CORO2A: variants seen among roughly 807,000 people sequenced by gnomAD.
CORO2A encodes the protein coronin-2A.
In CORO2A, 47 loss-of-function variants were observed where a neutral mutation model predicts 62.4. The ratio of observed to expected loss-of-function variants is 0.75; its 90% CI spans 0.60 to 0.96. The LOEUF (loss-of-function observed/expected upper bound fraction) is 0.96. Ranked by LOEUF, CORO2A falls within the 40% of genes least tolerant of loss-of-function variation. CORO2A has a pLI of 0.00. For synonymous variants in CORO2A, 273 were observed against 268.9 expected (o/e 1.02, Z -0.15); for missense variants, 610 against 684.1 (o/e 0.89, Z 1.21).
rs1827501826 is a variant in CORO2A, at chr9:98,137,440, A to G, written c.318+132T>C. On this transcript the variant is annotated intron_variant, in intron 3 of 11. Transcript: ENST00000375077. ...GTCTCCTCCTCTACCTTAACTTAAC[A>G]CCTCCCCACACAGTGACCTCACCTC... 5 of 737,234 alleles carry G rather than the reference A, an allele frequency of 6.8e-6. No homozygotes were observed. The Admixed American group carries it at 8.0e-5, about 12-fold the overall frequency. 45.7% of individuals were successfully genotyped at this position (737,234 alleles called of 1,614,324 possible).
At chr9:98,162,492 T>G (rs1382314774) in intron 1 of CORO2A, among the ~76,000 whole-genome samples, 1 of 152,214 alleles carries the variant, frequency 6.6e-6, no homozygotes, top group Non-Finnish European at 1.5e-5. Flanking sequence ...TTTGCACTGC[T>G]AAGATTCTTC....
intron 1 of CORO2A, among the ~76,000 whole-genome samples, chr9:98,158,975 A>G (rs1392518895): frequency 6.6e-6 from 1 of 152,084 alleles, no homozygotes; most frequent in Non-Finnish European, 1.5e-5. Context: ...ACCCATACCC[A>G]TAATACCAGG....
chr9:98,163,697 T>G (rs1827918503), intron 1 of CORO2A, among the ~76,000 whole-genome samples: 1 of 151,332 alleles, frequency 6.6e-6, no homozygotes, highest in African/African-American at 2.4e-5. Flanking sequence ...GCTCCTTTCT[T>G]GACATACATG....
intron 1 of CORO2A, among the ~76,000 whole-genome samples, chr9:98,179,204 C>T (rs1261299800): frequency 6.6e-6 from 1 of 152,184 alleles, no homozygotes; most frequent in African/African-American, 2.4e-5. Context: ...GAAACCCTTC[C>T]CTAGGCTCTG....
intron 1 of CORO2A, among the ~76,000 whole-genome samples, chr9:98,191,160 C>T (rs1243027660): frequency 6.6e-6 from 1 of 152,230 alleles, no homozygotes. Flanking sequence ...CTCCCTCAAA[C>T]AGGGCAGGCA....
intron 2 of CORO2A, among the ~76,000 whole-genome samples, chr9:98,147,339 G>A (rs551082633): frequency 1.3e-5 from 2 of 152,120 alleles, no homozygotes; most frequent in South Asian, 4.1e-4. Flanking sequence ...GGTAGGGGGC[G>A]GGGGGCAGAG....
At chr9:98,185,258 A>G (rs1478745359) in intron 1 of CORO2A, among the ~76,000 whole-genome samples, 2 of 152,170 alleles carry the variant, frequency 1.3e-5, no homozygotes, top group African/African-American at 4.8e-5. Flanking sequence ...CTGCCAGGCC[A>G]TGGGCCCTCA....
chr9:98,167,675 A>C (rs1827980241), intron 1 of CORO2A, among the ~76,000 whole-genome samples: 1 of 152,198 alleles, frequency 6.6e-6, no homozygotes, highest in South Asian at 2.1e-4. Context: ...CAATCAGGGA[A>C]AGCTGAGTGG....
intron 2 of CORO2A, among the ~76,000 whole-genome samples, chr9:98,146,949 T>C (rs1294977560): frequency 1.3e-5 from 2 of 152,134 alleles, no homozygotes; most frequent in Non-Finnish European, 2.9e-5. Flanking sequence ...GCCTGCACAG[T>C]AGTAATGGAT....
At chr9:98,154,325 GTGTGTATA>G (rs1827770607) in intron 2 of CORO2A, among the ~76,000 whole-genome samples, 1 of 78,792 alleles carries the variant, frequency 1.3e-5, no homozygotes, top group Admixed American at 1.1e-4. Context: ...TTATGTGTTT[GTGTGTATA>G]TATATATATA....
intron 2 of CORO2A, among the ~76,000 whole-genome samples, chr9:98,148,983 G>A (rs7847475): frequency 0.2 from 30,034 of 151,906 alleles, 3,326 homozygotes; most frequent in African/African-American, 0.29. Flanking sequence ...GTCATCTGGG[G>A]TTAAGGAGGG....
rs1049772621 is a variant in CORO2A, at chr9:98,121,324, G to A, written c.*3450C>T. The A allele has an allele frequency of 1.1e-4, 17 of 152,290 alleles. No individual in the cohort carries two copies. Among genetic ancestry groups the A allele is most frequent in the Non-Finnish European group, 1.6e-4 (11 of 68,018 alleles). 9.4% of individuals were successfully genotyped at this position (152,290 alleles called of 1,614,324 possible). On this transcript the variant is annotated 3_prime_UTR_variant, in exon 12 of 12. Coordinates refer to ENST00000375077, the MANE Select transcript of CORO2A (RefSeq NM_052820.4). ...ACAGAAAGGGGACGCCCAGGGTATGGAATAAGGAGATGAGAGCATGCTCTG... is the reference window on the plus strand; with the variant it reads ...ACAGAAAGGGGACGCCCAGGGTATGAAATAAGGAGATGAGAGCATGCTCTG...
At chr9:98,182,169 G>A (rs1409781704) in intron 1 of CORO2A, among the ~76,000 whole-genome samples, 1 of 152,200 alleles carries the variant, frequency 6.6e-6, no homozygotes, top group Non-Finnish European at 1.5e-5. Context: ...TGTCTGTTTT[G>A]CTGTGCTTGG....
At chr9:98,172,849 T>C (rs1324182684) in intron 1 of CORO2A, 2 of 152,236 alleles carry the variant, frequency 1.3e-5, no homozygotes, top group African/African-American at 4.8e-5. Context: ...AGCCTGGGTT[T>C]ATGAGGATTA....
At chr9:98,186,972 A>G (rs1422619975) in intron 1 of CORO2A, among the ~76,000 whole-genome samples, 2 of 152,138 alleles carry the variant, frequency 1.3e-5, no homozygotes, top group African/African-American at 4.8e-5. Context: ...TGCAGCTACA[A>G]CAAAATATCA....
At chr9:98,168,008 C>G (rs1007649962) in intron 1 of CORO2A, among the ~76,000 whole-genome samples, 3 of 152,198 alleles carry the variant, frequency 2.0e-5, no homozygotes, top group African/African-American at 7.2e-5. Flanking sequence ...CAGGAGAGCA[C>G]AGAGGTGGCC....
rs999507247 is a variant in CORO2A at position 98,123,493 on chromosome 9, C to T, written c.*1281G>A. 1 of 149,284 alleles carries T rather than the reference C, an allele frequency of 6.7e-6. No individual in the cohort carries two copies. Among genetic ancestry groups the T allele is most frequent in the Non-Finnish European group, 1.5e-5 (1 of 67,280 alleles). 9.2% of individuals were successfully genotyped at this position (149,284 alleles called of 1,614,324 possible). A position where few individuals can be genotyped will look rare whatever the true frequency, so the allele number is the denominator to read the frequency against. On this transcript the variant is annotated 3_prime_UTR_variant, in exon 12 of 12. Transcript: ENST00000375077. ...TGCTTAGTCTTCCCCTATTCTCTCT[C>T]TCTTTTTTTTTTTTTTTTTGGAGAT...
chr9:98,174,008 C>T (rs1042396115), intron 1 of CORO2A, among the ~76,000 whole-genome samples: 3 of 152,028 alleles, frequency 2.0e-5, no homozygotes, highest in African/African-American at 4.8e-5. Flanking sequence ...CCCAGCTACT[C>T]GGGAGGGAGA....
chr9:98,124,833 G>T lies in CORO2A; in HGVS notation c.1519C>A (p.Gln507Lys). The T allele has an allele frequency of 6.2e-7, 1 of 1,607,186 alleles. No individual in the cohort carries two copies. The highest frequency in any genetic ancestry group is 8.5e-7 in the Non-Finnish European group (1 of 1,176,318). Residue 507 changes from glutamine to lysine, a missense_variant, in exon 12 of 12, where the codon CAG becomes AAG. Coordinates refer to ENST00000375077, the MANE Select transcript of CORO2A (RefSeq NM_052820.4). ...LRELLTQREV[Q>K]AKQLELEIKN... ...ATCTCCAGTTCCAACTGTTTGGCCT[G>T]GACCTCTCGCTGGGTCAACAGCTCC...
Sources: gnomAD v4.1 joint callset for allele counts (sites outside exome capture counted in the v4.1 genomes callset) on GRCh38, gnomAD v4.1.1 for gene constraint, MANE v1.5 for transcripts, NCBI Gene and HGNC (gene_info 2026-07-23, HGNC 2026-07-21) for gene names.